The following TARDBP variants were observed in gnomAD, a reference collection of about 807,000 sequenced individuals.
The protein encoded by TARDBP is TAR DNA-binding protein 43.
A neutral mutation model predicts 38.3 loss-of-function variants in TARDBP; 4 were observed. The ratio of observed to expected loss-of-function variants is 0.10; its 90% CI spans 0.05 to 0.24. TARDBP has a LOEUF of 0.24. Ranked by LOEUF, TARDBP falls within the 10% of genes least tolerant of loss-of-function variation. The pLI is 1.00. For missense variants in TARDBP, 202 were observed against 521.9 expected, an observed-to-expected ratio of 0.39 and a Z score of 5.97; for synonymous variants, 184 against 183.8, an observed-to-expected ratio of 1.00 and a Z score of -0.01.
intron 4 of TARDBP, among the ~76,000 whole-genome samples, chr1:11,019,983 C>T (rs561277469): frequency 6.6e-6 from 1 of 151,782 alleles, no homozygotes; most frequent in Non-Finnish European, 1.5e-5. Flanking sequence ...CCTACCTCAG[C>T]CTCCCAAGAT....
chr1:11,030,133 CT>C, downstream of TARDBP: 1 of 1,452,680 alleles, frequency 6.9e-7, no homozygotes. Context: ...CCCAGTCCTC[CT>C]TTCCATCAAT....
chr1:11,017,033 T>G, intron 3 of TARDBP, 26 bp downstream of exon 3: 1 of 1,612,786 alleles, frequency 6.2e-7, no homozygotes, highest in Non-Finnish European at 8.5e-7. Flanking sequence ...ATCAAACAGT[T>G]TTTCTTTACC....
At chr1:11,018,440 C>T in intron 3 of TARDBP, 1 of 421,054 alleles carries the variant, frequency 2.4e-6, no homozygotes, top group Non-Finnish European at 4.4e-6. Context: ...CCACCCTCCT[C>T]AGCATCCCAA....
rs1178992382 is a variant in TARDBP, at chr1:11,024,370, CTG to C, written c.*1719_*1720del. On this transcript the variant is annotated 3_prime_UTR_variant, in exon 6 of 6. Transcript: ENST00000240185. ...ACCCTCCGGCTTTTTCTTAGTGCCTCTGTGCATTTGGGTGATGTTCTATTTAC... is the reference window on the plus strand; with the variant it reads ...ACCCTCCGGCTTTTTCTTAGTGCCTCTGCATTTGGGTGATGTTCTATTTAC... The C allele has an allele frequency of 6.6e-6, 1 of 152,372 alleles. No homozygotes were observed. The highest frequency in any genetic ancestry group is 1.5e-5 in the Non-Finnish European group (1 of 68,034). 9.4% of individuals were successfully genotyped at this position (152,372 alleles called of 1,614,324 possible).
rs755357622 is a variant in TARDBP, at chr1:11,013,928, C to T, written c.201C>T (p.Gly67=). The part of the protein sequence containing the change: ...VEGILHAPDA[G]WGNLVYVVNY... ...GAATTCTGCATGCCCCAGATGCTGG[C>T]TGGGGAAATCTGGTGTATGTTGTCA... Residue 67 remains glycine (G), a synonymous_variant, in exon 2 of 6, where the codon GGC becomes GGT. Coordinates refer to ENST00000240185, the MANE Select transcript of TARDBP (RefSeq NM_007375.4). The T allele has an allele frequency of 1.2e-6, 2 of 1,614,172 alleles. No homozygotes were observed. Among genetic ancestry groups the T allele is most frequent in the Non-Finnish European group, 1.7e-6 (2 of 1,180,036 alleles).
At chr1:11,028,356 TG>T (rs1643775519), downstream of TARDBP, among the ~76,000 whole-genome samples, 1 of 152,216 alleles carries the variant, frequency 6.6e-6, no homozygotes, top group African/African-American at 2.4e-5. Flanking sequence ...TGGGTATTTA[TG>T]TAATCCTAGG....
downstream of TARDBP, chr1:11,027,435 C>T (rs759662634): frequency 3.7e-6 from 6 of 1,614,060 alleles, no homozygotes; most frequent in Non-Finnish European, 5.1e-6. Flanking sequence ...AGGTGATAGT[C>T]TTTTCAGGGT....
chr1:11,022,117 C>A lies in TARDBP; in HGVS notation c.715-7C>A. 6.2e-7 allele frequency: 1 copy of A among 1,613,906 alleles called. No homozygotes were observed. The highest frequency in any genetic ancestry group is 8.5e-7 in the Non-Finnish European group (1 of 1,179,852). On this transcript the variant is annotated splice_polypyrimidine_tract_variant and splice_region_variant and intron_variant, in intron 5 of 5. Transcript: ENST00000240185. This position sits in a 1 kb window ranked among gnomAD's most constrained non-coding sequence, Gnocchi z 4.5. ...TCTTCTTTGTTTACATCCCTTATTT[C>A]TTATAGATTGCGCAGTCTCTTTGTG...
chr1:11,022,948 A>G lies in TARDBP; in HGVS notation c.*294A>G. Reference sequence around the variant, plus strand: ...ATTGATATCAAAAGGTTTCTCCTGTAATATTTTATCCCTGGACTTGTCAAG... The same window carrying G: ...ATTGATATCAAAAGGTTTCTCCTGTGATATTTTATCCCTGGACTTGTCAAG... On this transcript the variant is annotated 3_prime_UTR_variant, in exon 6 of 6. Coordinates refer to ENST00000240185, the MANE Select transcript of TARDBP (RefSeq NM_007375.4). The surrounding 1 kb of genome is among the most constrained non-coding windows in gnomAD (Gnocchi z 4.5). The G allele has an allele frequency of 7.3e-7, 1 of 1,369,070 alleles. No homozygotes were observed. Among genetic ancestry groups the G allele is most frequent in the Non-Finnish European group, 9.4e-7 (1 of 1,061,260 alleles). The allele number at this position is 1,369,070 out of a possible 1,614,324, so 84.8% of individuals were successfully genotyped here.
At chr1:11,016,676 T>C (rs1402190421) in intron 2 of TARDBP, among the ~76,000 whole-genome samples, 168 bp from the exon 3 acceptor site, 2 of 152,194 alleles carry the variant, frequency 1.3e-5, no homozygotes, top group African/African-American at 4.8e-5. Flanking sequence ...ACACTAAACT[T>C]AAGCCTTTAT....
chr1:11,016,436 G>T (rs1643527219), intron 2 of TARDBP, among the ~76,000 whole-genome samples: 1 of 152,126 alleles, frequency 6.6e-6, no homozygotes, highest in South Asian at 2.1e-4. Flanking sequence ...ACACACCACT[G>T]TACCTGGTTT....
At chr1:11,021,732 C>G (rs1457466687) in intron 5 of TARDBP, among the ~76,000 whole-genome samples, 3 of 152,214 alleles carry the variant, frequency 2.0e-5, no homozygotes, top group African/African-American at 7.2e-5. Context: ...TCCCAAGTAG[C>G]TAGGACAGAT....
chr1:11,023,019 A>G lies in TARDBP; in HGVS notation c.*365A>G, dbSNP rs1643671266. The G allele has an allele frequency of 1.4e-6, 2 of 1,426,804 alleles. No homozygotes were observed. Among genetic ancestry groups the G allele is most frequent in the South Asian group, 1.6e-5 (1 of 62,366 alleles). 88.4% of individuals were successfully genotyped at this position (1,426,804 alleles called of 1,614,324 possible). ...AACGGAAACCATTGATTAGAACTAC[A>G]TTCTTTACCCCTTGTTTTAATTTGA... is the stretch of plus-strand genomic sequence containing the variant. On this transcript the variant is annotated 3_prime_UTR_variant, in exon 6 of 6. Transcript: ENST00000240185.
At chr1:11,018,914 T>G (rs746977632) in intron 4 of TARDBP, 41 bp downstream of exon 4, 1 of 1,613,598 alleles carries the variant, frequency 6.2e-7, no homozygotes, top group South Asian at 1.1e-5. Flanking sequence ...CCAACAAACT[T>G]CCTTAGAGGA....
downstream of TARDBP, chr1:11,027,326 GTTA>G: frequency 6.2e-7 from 1 of 1,613,906 alleles, no homozygotes; most frequent in South Asian, 1.1e-5. Flanking sequence ...TTACAACTTT[GTTA>G]TTCAATTTAA....
downstream of TARDBP, chr1:11,030,485 AAT>A (rs1455749372): frequency 6.2e-5 from 36 of 579,476 alleles, no homozygotes; most frequent in Non-Finnish European, 1.0e-4. Context: ...TCAAGTGCTT[AAT>A]GATAAGGTGT....
At position 11,022,747 on chromosome 1, in the gene TARDBP, G is replaced by A. The variant is rs1212888599; in HGVS notation, c.*93G>A. On this transcript the variant is annotated 3_prime_UTR_variant, in exon 6 of 6. Coordinates refer to ENST00000240185, the MANE Select transcript of TARDBP (RefSeq NM_007375.4). The surrounding 1 kb of genome is among the most constrained non-coding windows in gnomAD (Gnocchi z 4.5). The stretch of plus-strand genomic sequence containing the variant: ...ATATTGTAAAATACATATGTACTAA[G>A]AATTTTCAAAATTGGTTTGTTCAGT... The A allele has an allele frequency of 6.7e-7, 1 of 1,501,978 alleles. No homozygotes were observed. Among genetic ancestry groups the A allele is most frequent in the East Asian group, 2.3e-5 (1 of 43,236 alleles). 93.0% of individuals were successfully genotyped at this position (1,501,978 alleles called of 1,614,324 possible).
chr1:11,016,816 C>A, intron 2 of TARDBP, 28 bp from the exon 3 acceptor site: 1 of 1,612,174 alleles, frequency 6.2e-7, no homozygotes, highest in South Asian at 1.1e-5. Context: ...GTGAAGATTT[C>A]TAAAAGGTTT....
chr1:11,027,788 G>T, downstream of TARDBP: 2 of 751,248 alleles, frequency 2.7e-6, no homozygotes, highest in Non-Finnish European at 4.3e-6. Flanking sequence ...TACCTATACA[G>T]GCAAGTGAGG....
Sources: gnomAD v4.1 joint callset for allele counts (sites outside exome capture counted in the v4.1 genomes callset) on GRCh38, gnomAD v4.1.1 for gene constraint, Gnocchi (gnomAD v3.1) non-coding constraint, MANE v1.5 for transcripts, NCBI Gene and HGNC (gene_info 2026-07-23, HGNC 2026-07-21) for gene names.